The following WNT2B variants were observed in gnomAD, a reference collection of about 807,000 sequenced individuals.
WNT2B encodes the protein Wnt family member 2B.
In WNT2B, 19 loss-of-function variants were observed where a neutral mutation model predicts 40.5. That is an observed-to-expected ratio of 0.47 (90% CI 0.33 to 0.69). The LOEUF is 0.69. WNT2B is among the 30% of genes least tolerant of loss of function. The probability of loss-of-function intolerance (pLI) is 0.02; values close to 1 mark genes in which losing one functional copy is unlikely to be tolerated. For missense variants in WNT2B, 467 were observed against 556.4 expected, an observed-to-expected ratio of 0.84 and a Z score of 1.62; for synonymous variants, 220 against 211.9, an observed-to-expected ratio of 1.04 and a Z score of -0.33.
upstream of WNT2B, among the ~76,000 whole-genome samples, chr1:112,508,294 A>G (rs1000638919): frequency 6.6e-6 from 1 of 151,132 alleles, no homozygotes; most frequent in South Asian, 2.1e-4. The surrounding 1 kb of genome is among the most constrained non-coding windows in gnomAD (Gnocchi z 4.2). Flanking sequence ...GTGCCCCCTT[A>G]GCGTCGGCAG....
Position 112,520,536 on chromosome 1 carries a change from C to T in WNT2B, c.*27C>T. 1 of 1,605,860 alleles carries T rather than the reference C, an allele frequency of 6.2e-7. No homozygotes were observed. Among genetic ancestry groups the T allele is most frequent in the South Asian group, 1.1e-5 (1 of 90,256 alleles). On this transcript the variant is annotated 3_prime_UTR_variant, in exon 5 of 5. Transcript: ENST00000369684. ...CACACAGATACCTCACTCATCCCTC[C>T]AATTCAAGCCTCTCAACTCAAAAGC...
intron 1 of WNT2B, among the ~76,000 whole-genome samples, chr1:112,514,102 A>T (rs1652444371): frequency 6.6e-6 from 1 of 152,184 alleles, no homozygotes; most frequent in Non-Finnish European, 1.5e-5. Flanking sequence ...TATTGGACAG[A>T]CTGGAGACTG....
At chr1:112,513,316 TTTTG>T (rs1652420144) in intron 1 of WNT2B, among the ~76,000 whole-genome samples, 1 of 152,140 alleles carries the variant, frequency 6.6e-6, no homozygotes, top group African/African-American at 2.4e-5. Flanking sequence ...GGGGTGTTTA[TTTTG>T]TTTGTTCCTG....
At chr1:112,473,641 A>G (rs1040751746) in intron 1 of WNT2B, among the ~76,000 whole-genome samples, 12 of 152,208 alleles carry the variant, frequency 7.9e-5, no homozygotes, top group African/African-American at 2.7e-4. Context: ...GCATCCCCAA[A>G]GAAAAATATT....
upstream of WNT2B, chr1:112,508,725 A>C (rs1298810508): frequency 1.0e-6 from 1 of 985,938 alleles, no homozygotes; most frequent in Non-Finnish European, 1.2e-6. The surrounding 1 kb of genome is among the most constrained non-coding windows in gnomAD (Gnocchi z 4.2). Flanking sequence ...GTCGGCAGGG[A>C]CTGGGCGCTT....
rs749138964 is a variant in WNT2B at position 112,509,336 on chromosome 1, C to G, written c.74C>G (p.Pro25Arg). Residue 25 changes from proline to arginine, a missense_variant, in exon 1 of 5, where the codon CCG becomes CGG. By Grantham distance (103) the Pro-to-Arg change is moderately radical. Coordinates refer to ENST00000369684, the MANE Select transcript of WNT2B (RefSeq NM_024494.3). This position sits in a 1 kb window ranked among gnomAD's most constrained non-coding sequence, Gnocchi z 4.2. ...LRRASAPVPV[P>R]SPAAPDGSRA... is the part of the protein sequence containing the mutation. ...CGCGCCAGCGCCCCGGTCCCTGTGC[C>G]GTCGCCCGCGGCCCCCGACGGCTCC... The G allele has an allele frequency of 1.0e-5, 16 of 1,589,176 alleles. No individual in the cohort carries two copies. The African/African-American group carries it at 1.2e-4, about 12-fold the overall frequency.
exon 1 of WNT2B, chr1:112,467,354 G>T: frequency 1.7e-6 from 1 of 578,152 alleles, no homozygotes. Flanking sequence ...ATGAGCACAG[G>T]CACATTTACC....
rs1260923736 is a variant in WNT2B, at chr1:112,474,486, A to G, written c.-95+6895A>G. Among the ~76,000 whole-genome samples, 4 of 152,214 alleles carry G rather than the reference A, an allele frequency of 2.6e-5. No individual in the cohort carries two copies. The East Asian group carries it at 7.7e-4, about 29-fold the overall frequency. On this transcript the variant is annotated intron_variant, in intron 1 of 4. Transcript: ENST00000256640. The stretch of plus-strand genomic sequence containing the variant: ...TAAAACAACCAGAGGAAAAAAAGCT[A>G]TTACATACAGATGAACAAACATAAA...
chr1:112,510,352 A>G (rs1267491117), intron 1 of WNT2B, among the ~76,000 whole-genome samples: 1 of 152,160 alleles, frequency 6.6e-6, no homozygotes, highest in African/African-American at 2.4e-5. Context: ...GAGAGGGCAA[A>G]GCAGGGAGAG....
In WNT2B at chr1:112,515,538, G is replaced by C. The variant is rs1426961596; in HGVS notation, c.403+444G>C. 6.6e-6 allele frequency among the ~76,000 whole-genome samples: 1 copy of C among 152,194 alleles called. No individual in the cohort carries two copies. The highest frequency in any genetic ancestry group is 1.5e-5 in the Non-Finnish European group (1 of 68,032). On this transcript the variant is annotated intron_variant, in intron 2 of 4. Transcript: ENST00000369684. The surrounding 1 kb of genome is among the most constrained non-coding windows in gnomAD (Gnocchi z 4.4). The stretch of plus-strand genomic sequence containing the variant: ...TATGTAAATATTTGGAGAGTCAGTG[G>C]CTTGGCCTCAGCTCAGCAAAAAAGC...
intron 1 of WNT2B, among the ~76,000 whole-genome samples, chr1:112,479,283 A>G (rs1156353044): frequency 6.6e-6 from 1 of 151,720 alleles, no homozygotes; most frequent in Non-Finnish European, 1.5e-5. Flanking sequence ...TAAGACAAAA[A>G]TTTGCAGGGG....
chr1:112,471,970 G>A (rs914308836), intron 1 of WNT2B, among the ~76,000 whole-genome samples: 2 of 152,180 alleles, frequency 1.3e-5, no homozygotes, highest in Non-Finnish European at 2.9e-5. Context: ...GGAGTATGAA[G>A]TCAAAAGATA....
intron 1 of WNT2B, among the ~76,000 whole-genome samples, chr1:112,499,559 A>C (rs1370502636): frequency 6.6e-6 from 1 of 152,240 alleles, no homozygotes; most frequent in Non-Finnish European, 1.5e-5. Flanking sequence ...TGATCATATC[A>C]ATAAATGCAG....
upstream of WNT2B, among the ~76,000 whole-genome samples, chr1:112,505,163 ACT>A (rs146616755): frequency 0.012 from 1,765 of 152,112 alleles, 39 homozygotes; most frequent in African/African-American, 0.04. Context: ...GGTGGACCTG[ACT>A]CTGCTGGCTG....
rs138579877 is a variant in WNT2B at position 112,481,069 on chromosome 1, T to C, written c.-95+13478T>C. 3.0e-3 allele frequency among the ~76,000 whole-genome samples: 457 copies of C among 151,920 alleles called. 3 individuals are homozygous for C. The highest frequency in any genetic ancestry group is 0.01 in the African/African-American group (432 of 41,446). Reference sequence around the variant, plus strand: ...CTGTAATCCGAGCTACTCAGGAGGCTGAGGCAGGAGAATTGCTTGAACCTG... The same window carrying C: ...CTGTAATCCGAGCTACTCAGGAGGCCGAGGCAGGAGAATTGCTTGAACCTG... On this transcript the variant is annotated intron_variant, in intron 1 of 4. Transcript: ENST00000256640.
chr1:112,508,895 C>A (rs1052044104), upstream of WNT2B: 34 of 1,049,848 alleles, frequency 3.2e-5, no homozygotes, highest in East Asian at 2.3e-3. The surrounding 1 kb of genome is among the most constrained non-coding windows in gnomAD (Gnocchi z 4.2). Flanking sequence ...GCCCTAAGGG[C>A]CGCGCGTGTC....
At chr1:112,510,882 C>T (rs1298014080) in intron 1 of WNT2B, among the ~76,000 whole-genome samples, 1 of 152,120 alleles carries the variant, frequency 6.6e-6, no homozygotes, top group Non-Finnish European at 1.5e-5. Context: ...TACCTTTTGC[C>T]TTCATGAGCT....
chr1:112,516,435 T>C lies in WNT2B; in HGVS notation c.681+18T>C. 1 of 1,596,794 alleles carries C rather than the reference T, an allele frequency of 6.3e-7. No homozygotes were observed. Among genetic ancestry groups the C allele is most frequent in the Non-Finnish European group, 8.5e-7 (1 of 1,169,704 alleles). On this transcript the variant is annotated intron_variant, in intron 3 of 4. Coordinates refer to ENST00000369684, the MANE Select transcript of WNT2B (RefSeq NM_024494.3). ...GTCGCACGGTCAGTACTCATGTCTG[T>C]GTAAGTACACTCATATTTGCTGGGG...
intron 1 of WNT2B, among the ~76,000 whole-genome samples, chr1:112,497,363 C>T (rs538591878): frequency 2.0e-5 from 3 of 152,376 alleles, no homozygotes; most frequent in African/African-American, 7.2e-5. Flanking sequence ...ACAGCTCTTG[C>T]ACTGTGCGTC....
Sources: allele counts gnomAD v4.1 joint callset (sites outside exome capture counted in the v4.1 genomes callset), GRCh38; gene constraint gnomAD v4.1.1; non-coding constraint Gnocchi (gnomAD v3.1); transcripts MANE v1.5; gene names NCBI Gene and HGNC (gene_info 2026-07-23, HGNC 2026-07-21).